GPHN: variants seen among roughly 807,000 people sequenced by gnomAD.
GPHN encodes gephyrin.
A neutral mutation model predicts 95.5 loss-of-function variants in GPHN; 17 were observed. That is an observed-to-expected ratio of 0.18 (90% CI 0.12 to 0.27). The LOEUF is 0.27. Ranked by LOEUF, GPHN falls within the 10% of genes least tolerant of loss-of-function variation. The probability of loss-of-function intolerance (pLI) is 1.00; values close to 1 mark genes in which losing one functional copy is unlikely to be tolerated. For missense variants in GPHN, 660 were observed against 978.1 expected, an observed-to-expected ratio of 0.67 and a Z score of 4.34; for synonymous variants, 320 against 322.5, an observed-to-expected ratio of 0.99 and a Z score of 0.08.
In GPHN at chr14:66,572,627, T is replaced by C. The variant is rs570903546; in HGVS notation, c.64+64036T>C. Among the ~76,000 whole-genome samples, 5 of 152,246 alleles carry C rather than the reference T, an allele frequency of 3.3e-5. No homozygotes were observed. The South Asian group carries it at 1.0e-3, about 32-fold the overall frequency. On this transcript the variant is annotated intron_variant, in intron 1 of 22. Coordinates refer to ENST00000478722, the MANE Select transcript of GPHN (RefSeq NM_020806.5). ...TACGTGGTTTTGGATCTTAAAACTTTACTGAATCTTTGGTTAGTTTTAACT... is the reference window on the plus strand; with the variant it reads ...TACGTGGTTTTGGATCTTAAAACTTCACTGAATCTTTGGTTAGTTTTAACT...
At chr14:66,963,095 C>A (rs1415906891) in intron 8 of GPHN, among the ~76,000 whole-genome samples, 1 of 151,918 alleles carries the variant, frequency 6.6e-6, no homozygotes, top group African/African-American at 2.4e-5. Context: ...ATATTCTCTG[C>A]AGGTGATCTG....
the GPHN span, among the ~76,000 whole-genome samples, chr14:67,413,122 A>T: frequency 3.3e-5 from 5 of 152,188 alleles, no homozygotes; most frequent in Non-Finnish European, 5.9e-5. Context: ...AAAATCCACG[A>T]TGAACAAAAT....
chr14:67,267,139 T>G, the GPHN span, among the ~76,000 whole-genome samples: 3 of 152,120 alleles, frequency 2.0e-5, no homozygotes, highest in African/African-American at 7.2e-5. Flanking sequence ...AATATAAATT[T>G]GGTTTCTTTG....
the GPHN span, chr14:67,571,760 A>C: frequency 6.2e-7 from 1 of 1,613,946 alleles, no homozygotes; most frequent in South Asian, 1.1e-5. Flanking sequence ...AGAGAGCTAC[A>C]CAGATCAGCA....
chr14:67,709,071 G>A, the GPHN span, among the ~76,000 whole-genome samples: 2 of 152,182 alleles, frequency 1.3e-5, no homozygotes, highest in African/African-American at 4.8e-5. Flanking sequence ...GATTACAGGT[G>A]TGAGCCACTG....
At chr14:67,551,297 G>A in the GPHN span, among the ~76,000 whole-genome samples, 6 of 152,066 alleles carry the variant, frequency 3.9e-5, no homozygotes, top group South Asian at 2.1e-4. Context: ...ACACTGTCCC[G>A]GCCAAACTGG....
the GPHN span, among the ~76,000 whole-genome samples, chr14:67,686,490 T>A: frequency 6.6e-6 from 1 of 151,760 alleles, no homozygotes; most frequent in Non-Finnish European, 1.5e-5. Flanking sequence ...ATAGAAAAAA[T>A]TGGCCGGGCA....
intron 1 of GPHN, among the ~76,000 whole-genome samples, chr14:66,559,745 TA>T (rs2060154252): frequency 1.3e-5 from 2 of 151,748 alleles, no homozygotes; most frequent in African/African-American, 4.8e-5. Context: ...TTAGTTTAAT[TA>T]GATCCCATTT....
At chr14:66,624,322 C>T (rs1425754042) in intron 1 of GPHN, among the ~76,000 whole-genome samples, 1 of 152,116 alleles carries the variant, frequency 6.6e-6, no homozygotes, top group Non-Finnish European at 1.5e-5. Flanking sequence ...TGTGAGACAC[C>T]TTGGTCCGTG....
chr14:66,683,487 A>G (rs1245182295), intron 2 of GPHN, among the ~76,000 whole-genome samples: 1 of 72,910 alleles, frequency 1.4e-5, no homozygotes, highest in Non-Finnish European at 2.6e-5. Context: ...TGATTGCAGT[A>G]TTCATTTAGT....
At chr14:67,314,030 A>G in the GPHN span, among the ~76,000 whole-genome samples, 3 of 152,080 alleles carry the variant, frequency 2.0e-5, no homozygotes, top group African/African-American at 4.8e-5. Context: ...AGACCTTTCA[A>G]TGCTTTGCTG....
chr14:66,685,037 A>G (rs1375344674), intron 2 of GPHN, among the ~76,000 whole-genome samples: 3 of 152,160 alleles, frequency 2.0e-5, no homozygotes, highest in Admixed American at 6.5e-5. Context: ...GCTGAGAATG[A>G]TGGTTTCCAA....
chr14:67,418,335 T>C, the GPHN span, among the ~76,000 whole-genome samples: 1 of 152,220 alleles, frequency 6.6e-6, no homozygotes, highest in Non-Finnish European at 1.5e-5. Flanking sequence ...GGCTAAATTG[T>C]GTTCTCTCTT....
chr14:67,316,676 C>G, the GPHN span, among the ~76,000 whole-genome samples: 1 of 152,006 alleles, frequency 6.6e-6, no homozygotes, highest in Non-Finnish European at 1.5e-5. Flanking sequence ...TGGAGGCTTA[C>G]ACATCATAGC....
At position 66,841,074 on chromosome 14, in the gene GPHN, A is replaced by G. The variant is rs542950448; in HGVS notation, c.294+16508A>G. Among the ~76,000 whole-genome samples the G allele has an allele frequency of 7.9e-5, 12 of 151,678 alleles. No homozygotes were observed. In the Middle Eastern group the frequency reaches 0.017, roughly 215 times the overall value. On this transcript the variant is annotated intron_variant, in intron 4 of 22. Transcript: ENST00000478722. ...ATATACATGCCAGGCACTGTTTAAGATGTTGAGATAGAGCAATGAGTTAAG... is the reference window on the plus strand; with the variant it reads ...ATATACATGCCAGGCACTGTTTAAGGTGTTGAGATAGAGCAATGAGTTAAG...
At chr14:66,808,139 T>C (rs1205825542) in intron 3 of GPHN, among the ~76,000 whole-genome samples, 2 of 152,250 alleles carry the variant, frequency 1.3e-5, no homozygotes, top group African/African-American at 2.4e-5. Flanking sequence ...CAGGTGTTAT[T>C]AAACATCTTT....
the GPHN span, chr14:67,648,997 C>T: frequency 2.6e-5 from 4 of 152,196 alleles, no homozygotes; most frequent in East Asian, 5.8e-4. Context: ...AGCGCCACAG[C>T]CTGCCAGAAC....
chr14:67,456,482 A>G, the GPHN span, among the ~76,000 whole-genome samples: 216 of 152,140 alleles, frequency 1.4e-3, 1 homozygote, highest in Non-Finnish European at 2.6e-3. Context: ...GGCACCTGCA[A>G]TCCCAGACAC....
At chr14:67,718,841 G>C in the GPHN span, among the ~76,000 whole-genome samples, 3 of 151,512 alleles carry the variant, frequency 2.0e-5, no homozygotes, top group African/African-American at 4.9e-5. Flanking sequence ...AGAATGTCTC[G>C]ATACCAGTTT....
Sources: gnomAD v4.1 joint callset for allele counts (sites outside exome capture counted in the v4.1 genomes callset) on GRCh38, gnomAD v4.1.1 for gene constraint, MANE v1.5 for transcripts, NCBI Gene and HGNC (gene_info 2026-07-23, HGNC 2026-07-21) for gene names.